ADAM19: variants seen among roughly 807,000 people sequenced by gnomAD.
ADAM19 encodes ADAM metallopeptidase domain 19.
Under a neutral mutation model 114.7 loss-of-function variants are expected in ADAM19, and 65 were observed. The ratio of observed to expected loss-of-function variants is 0.57; its 90% CI spans 0.46 to 0.70. The LOEUF (loss-of-function observed/expected upper bound fraction) is 0.70. Among genes scored for constraint, ADAM19 ranks in the 30% least tolerant of loss-of-function variants. ADAM19 has a pLI of 0.00. For synonymous variants in ADAM19, 466 were observed against 460.5 expected, an observed-to-expected ratio of 1.01 and a Z score of -0.15; for missense variants, 1,063 against 1,204.7, an observed-to-expected ratio of 0.88 and a Z score of 1.74.
chr5:157,499,687 G>A, intron 12 of ADAM19, 25 bp from the exon 13 acceptor site: 1 of 1,532,230 alleles, frequency 6.5e-7, no homozygotes, highest in South Asian at 1.2e-5. Context: ...GGGTGGGTGT[G>A]AGTGGGGGAG....
chr5:157,492,016 G>T, intron 16 of ADAM19, 104 bp from the exon 17 acceptor site: 1 of 1,092,066 alleles, frequency 9.2e-7, no homozygotes, highest in Admixed American at 1.9e-5. Flanking sequence ...CCATGGCCCG[G>T]CCTGGTGGCT....
At chr5:157,530,736 C>T in intron 5 of ADAM19, 71 bp downstream of exon 5, 3 of 1,375,478 alleles carry the variant, frequency 2.2e-6, no homozygotes, top group Non-Finnish European at 3.1e-6. Flanking sequence ...CTTGCCTCAG[C>T]CTTGTCTATC....
intron 3 of ADAM19, among the ~76,000 whole-genome samples, chr5:157,551,994 C>G (rs555779992): frequency 2.2e-4 from 33 of 151,842 alleles, no homozygotes; most frequent in African/African-American, 8.0e-4. Flanking sequence ...ATACAAAATG[C>G]AAAAAAATTA....
chr5:157,567,779 A>C (rs1489057994), intron 2 of ADAM19, among the ~76,000 whole-genome samples: 1 of 151,018 alleles, frequency 6.6e-6, no homozygotes, highest in Non-Finnish European at 1.5e-5. Flanking sequence ...CCTAGGCAAC[A>C]AGAGCGAAAC....
intron 7 of ADAM19, among the ~76,000 whole-genome samples, chr5:157,516,935 AAC>A (rs10570308): frequency 0.35 from 52,711 of 150,150 alleles, 10,053 homozygotes; most frequent in African/African-American, 0.51. Flanking sequence ...GAAAACATAG[AAC>A]ACACACACAC....
intron 21 of ADAM19, among the ~76,000 whole-genome samples, chr5:157,486,315 A>T (rs976536777): frequency 6.6e-6 from 1 of 152,086 alleles, no homozygotes; most frequent in South Asian, 2.1e-4. Context: ...TGGCAGCCCA[A>T]TGTCATCACA....
chr5:157,575,626 G>A lies in ADAM19; in HGVS notation c.71C>T (p.Ala24Val), dbSNP rs1321632251. Residue 24 changes from alanine (A) to valine (V), a missense_variant, in exon 1 of 23, where the codon GCG (alanine) becomes GTG (valine). Transcript: ENST00000257527. ...ACTTGTCCATCCAGGCTCCCGCGCC[G>A]CCCGCGGCCGGAGGGGCTGCAGGGC... ...AFALQPLRPR[A>V]AREPGWTRGS... 6.9e-7 allele frequency: 1 copy of A among 1,443,038 alleles called. No individual in the cohort carries two copies. The highest frequency in any genetic ancestry group is 9.1e-7 in the Non-Finnish European group (1 of 1,104,354). 89.4% of individuals were successfully genotyped at this position (1,443,038 alleles called of 1,614,324 possible).
intron 2 of ADAM19, chr5:157,568,101 A>G (rs1581361583): frequency 1.3e-5 from 2 of 152,058 alleles, no homozygotes; most frequent in Admixed American, 6.6e-5. Flanking sequence ...CAGCCTCCCA[A>G]GTAGCTGGGA....
At chr5:157,524,971 A>T (rs1223676472) in intron 5 of ADAM19, among the ~76,000 whole-genome samples, 1 of 152,236 alleles carries the variant, frequency 6.6e-6, no homozygotes, top group East Asian at 1.9e-4. Flanking sequence ...TGTGACAGGA[A>T]CTGTTCTCAG....
chr5:157,487,611 C>A (rs528103969), intron 21 of ADAM19, among the ~76,000 whole-genome samples: 1 of 152,340 alleles, frequency 6.6e-6, no homozygotes, highest in East Asian at 1.9e-4. Context: ...AGCACACACA[C>A]GCAGTGGGAA....
In ADAM19 at chr5:157,480,658, A is replaced by T; in HGVS notation, c.*291T>A. ...TCTCCATCAGCACCTCGGGGCTAGG[A>T]GTCTGGAGGAGAAGCTGCCAGTCAC... is the stretch of plus-strand genomic sequence containing the variant. On this transcript the variant is annotated 3_prime_UTR_variant, in exon 23 of 23. Transcript: ENST00000257527. 1 of 1,225,362 alleles carries T rather than the reference A, an allele frequency of 8.2e-7. No individual in the cohort carries two copies. Among genetic ancestry groups the T allele is most frequent in the East Asian group, 4.2e-5 (1 of 23,870 alleles). 75.9% of individuals were successfully genotyped at this position (1,225,362 alleles called of 1,614,324 possible). A position where few individuals can be genotyped will look rare whatever the true frequency, so the allele number is the denominator to read the frequency against.
At chr5:157,546,500 T>A (rs546629424) in intron 3 of ADAM19, among the ~76,000 whole-genome samples, 95 of 152,172 alleles carry the variant, frequency 6.2e-4, no homozygotes, top group Admixed American at 1.1e-3. Flanking sequence ...CATCAGTGAG[T>A]CAAGAGATAA....
intron 22 of ADAM19, chr5:157,481,526 G>T: frequency 2.3e-6 from 3 of 1,281,056 alleles, no homozygotes; most frequent in Non-Finnish European, 3.2e-6. Flanking sequence ...AGAGGGACTT[G>T]CTCAGGGTCC....
At chr5:157,561,498 G>A (rs1000875538) in intron 3 of ADAM19, among the ~76,000 whole-genome samples, 2 of 152,170 alleles carry the variant, frequency 1.3e-5, no homozygotes. Context: ...CTTGCTCACC[G>A]CTCCTGGGAG....
At position 157,527,249 on chromosome 5, in the gene ADAM19, C is replaced by T. The variant is rs553569101; in HGVS notation, c.407+3558G>A. Among the ~76,000 whole-genome samples the T allele has an allele frequency of 3.4e-4, 52 of 152,206 alleles. 1 individual carries two copies. Among genetic ancestry groups the T allele is most frequent in the African/African-American group, 1.2e-3 (50 of 41,546 alleles). On this transcript the variant is annotated intron_variant, in intron 5 of 22. Coordinates refer to ENST00000257527, the MANE Select transcript of ADAM19 (RefSeq NM_033274.5). ...TTTTTGAGACAGACTCTCACTCTGTCACCCAGGCTGGAGTGCAGTGATGCG... is the reference window on the plus strand; with the variant it reads ...TTTTTGAGACAGACTCTCACTCTGTTACCCAGGCTGGAGTGCAGTGATGCG...
intron 14 of ADAM19, among the ~76,000 whole-genome samples, chr5:157,496,531 A>G (rs1032013513): frequency 6.6e-6 from 1 of 152,170 alleles, no homozygotes; most frequent in Non-Finnish European, 1.5e-5. Context: ...TTGCAATCTG[A>G]TATATGAAAA....
chr5:157,525,176 AC>A (rs953585135), intron 5 of ADAM19, among the ~76,000 whole-genome samples: 43 of 152,328 alleles, frequency 2.8e-4, no homozygotes, highest in African/African-American at 9.9e-4. Flanking sequence ...ATTCATCACA[AC>A]TTAATAACAC....
chr5:157,517,426 T>C (rs1038750095), intron 7 of ADAM19, among the ~76,000 whole-genome samples: 10 of 152,210 alleles, frequency 6.6e-5, no homozygotes, highest in African/African-American at 1.7e-4. Context: ...TTAGTACTTA[T>C]ATGATGGAGT....
intron 5 of ADAM19, among the ~76,000 whole-genome samples, chr5:157,529,518 T>C (rs1366976514): frequency 2.0e-5 from 3 of 152,146 alleles, no homozygotes. Context: ...CACAAATCAC[T>C]TGGGAGTCTT....
Sources: gnomAD v4.1 joint callset for allele counts (sites outside exome capture counted in the v4.1 genomes callset) on GRCh38, gnomAD v4.1.1 for gene constraint, MANE v1.5 for transcripts, NCBI Gene and HGNC (gene_info 2026-07-23, HGNC 2026-07-21) for gene names.